The following BANP variants were observed in gnomAD, a reference collection of about 807,000 sequenced individuals.
The protein encoded by BANP is BTG3 associated nuclear protein, also known as protein BANP.
BANP carries 11 observed loss-of-function variants against 68.1 expected under a neutral mutation model. The observed-to-expected ratio is 0.16, with a 90% CI of 0.10 to 0.27. BANP has a LOEUF of 0.27. BANP is among the 10% of genes least tolerant of loss of function. BANP has a pLI of 1.00. For synonymous variants in BANP, 329 were observed against 303.2 expected (o/e 1.09, Z -0.88); for missense variants, 504 against 722.7 (o/e 0.70, Z 3.47).
At chr16:87,952,058 C>T (rs931465174) in intron 1 of BANP, 1 of 152,274 alleles carries the variant, frequency 6.6e-6, no homozygotes, top group African/African-American at 2.4e-5. Flanking sequence ...GGCGACGACC[C>T]CAGCCCGTCC....
At chr16:87,993,375 G>GT (rs2066369536) in intron 4 of BANP, among the ~76,000 whole-genome samples, 1 of 152,202 alleles carries the variant, frequency 6.6e-6, no homozygotes, top group Admixed American at 6.5e-5. Flanking sequence ...CGGGAGCCTT[G>GT]TCTCTTCTTT....
At chr16:87,993,931 A>G (rs763164531) in intron 4 of BANP, among the ~76,000 whole-genome samples, 24 of 151,842 alleles carry the variant, frequency 1.6e-4, no homozygotes, top group Non-Finnish European at 2.7e-4. Context: ...AGCACTACCA[A>G]ATGCTTCTCC....
Position 88,043,107 on chromosome 16 carries a change from T to A in BANP, c.1311+5096T>A, listed in dbSNP as rs568432005. Among the ~76,000 whole-genome samples, 3 of 152,248 alleles carry A rather than the reference T, an allele frequency of 2.0e-5. No individual in the cohort carries two copies. In the South Asian group the frequency reaches 6.2e-4, roughly 32 times the overall value. On this transcript the variant is annotated intron_variant, in intron 11 of 13. Transcript: ENST00000682872. ...CTCGGGCTTTGTAGAGCAGAGCCCG[T>A]GTGTGTGGACCTGTGCTGCCCTCCT... is the stretch of plus-strand genomic sequence containing the variant.
At chr16:88,008,174 C>T (rs569087474) in intron 6 of BANP, among the ~76,000 whole-genome samples, 4 of 152,118 alleles carry the variant, frequency 2.6e-5, no homozygotes, top group Non-Finnish European at 5.9e-5. Flanking sequence ...TTCATGGCTG[C>T]GTGATGTGCC....
At chr16:88,017,560 G>A (rs2074870191) in intron 6 of BANP, among the ~76,000 whole-genome samples, 1 of 152,254 alleles carries the variant, frequency 6.6e-6, no homozygotes, top group Non-Finnish European at 1.5e-5. Flanking sequence ...GTTCAGAGAA[G>A]ACTAGTGACT....
At chr16:88,066,714 A>G (rs1460080470) in intron 12 of BANP, among the ~76,000 whole-genome samples, 1 of 152,236 alleles carries the variant, frequency 6.6e-6, no homozygotes, top group Non-Finnish European at 1.5e-5. Context: ...AACTGAAAAC[A>G]TTGAATCATT....
intron 1 of BANP, chr16:87,970,162 A>T (rs943416148): frequency 6.6e-6 from 1 of 152,352 alleles, no homozygotes; most frequent in African/African-American, 2.4e-5. Context: ...AAGTGCTGGG[A>T]TGACAGATGT....
intron 1 of BANP, among the ~76,000 whole-genome samples, chr16:87,953,912 C>T (rs1176064767): frequency 6.6e-6 from 1 of 152,204 alleles, no homozygotes; most frequent in Non-Finnish European, 1.5e-5. Flanking sequence ...CTGGCAAGTG[C>T]TCTTCCTCCT....
rs541594308 is a variant in BANP at position 88,056,519 on chromosome 16, T to A, written c.1312-8748T>A. On this transcript the variant is annotated intron_variant, in intron 11 of 13. Transcript: ENST00000682872. ...GAAATGATGACTGAAATGTACACTTTCAGTGTTTTACTCAGTTGAAACAAT... is the reference window on the plus strand; with the variant it reads ...GAAATGATGACTGAAATGTACACTTACAGTGTTTTACTCAGTTGAAACAAT... 9.9e-5 allele frequency among the ~76,000 whole-genome samples: 15 copies of A among 152,104 alleles called. No homozygotes were observed. In the South Asian group the frequency reaches 2.9e-3, roughly 29 times the overall value.
chr16:88,074,167 A>C (rs2091082973), intron 13 of BANP, among the ~76,000 whole-genome samples: 1 of 152,176 alleles, frequency 6.6e-6, no homozygotes, highest in Admixed American at 6.5e-5. Flanking sequence ...GACTGCACCC[A>C]ACAGAGACAG....
intron 2 of BANP, among the ~76,000 whole-genome samples, chr16:87,979,340 T>C (rs1275618726): frequency 6.6e-6 from 1 of 152,088 alleles, no homozygotes; most frequent in East Asian, 1.9e-4. Flanking sequence ...CCCACATCGG[T>C]GGGCAGCCTT....
At chr16:88,024,661 A>C (rs1267722440) in intron 7 of BANP, among the ~76,000 whole-genome samples, 1 of 152,156 alleles carries the variant, frequency 6.6e-6, no homozygotes, top group African/African-American at 2.4e-5. Flanking sequence ...CTCCTCACCC[A>C]CTGCACTCTG....
chr16:88,023,435 G>T (rs1236618526), intron 7 of BANP, among the ~76,000 whole-genome samples: 2 of 149,326 alleles, frequency 1.3e-5, no homozygotes, highest in African/African-American at 4.9e-5. Flanking sequence ...CCCCGGGAGG[G>T]AGCATGTCAG....
In BANP at chr16:88,006,306, A is replaced by C. The variant is rs201182509; in HGVS notation, c.655+41A>C. ...CTTTCCTCGGCCAGAGCGCCAGTAC[A>C]ATTGTTTGTTTGTTTTGCCTTTTAG... On this transcript the variant is annotated intron_variant, in intron 6 of 13. Transcript: ENST00000682872. 1.4e-4 allele frequency: 213 copies of C among 1,537,210 alleles called. No individual in the cohort carries two copies. In the African/African-American group the frequency reaches 2.8e-3, roughly 20 times the overall value.
chr16:87,979,720 G>A (rs981159248), intron 2 of BANP, among the ~76,000 whole-genome samples: 10 of 152,164 alleles, frequency 6.6e-5, no homozygotes, highest in Non-Finnish European at 1.5e-4. Context: ...TATCAGAAGT[G>A]TTACAATACG....
chr16:87,997,111 A>G lies in BANP; in HGVS notation c.363-7184A>G, dbSNP rs139866636. Among the ~76,000 whole-genome samples the G allele has an allele frequency of 5.3e-4, 81 of 152,328 alleles. 1 individual carries two copies. Among genetic ancestry groups the G allele is most frequent in the Non-Finnish European group, 9.1e-4 (62 of 68,028 alleles). ...AAGCTCAGCGTAGAAAATGTTTGCC[A>G]TGACAGCTTTCAAAGTGGAAGATGT... On this transcript the variant is annotated intron_variant, in intron 4 of 13. Coordinates refer to ENST00000682872, the MANE Select transcript of BANP (RefSeq NM_001386991.1).
chr16:88,001,268 C>T (rs1669313904), intron 4 of BANP, among the ~76,000 whole-genome samples: 1 of 104,334 alleles, frequency 9.6e-6, no homozygotes. Context: ...ACCTGTCCTT[C>T]CAGACACCCA....
At chr16:87,968,197 T>A (rs1448488049) in intron 1 of BANP, among the ~76,000 whole-genome samples, 1 of 151,840 alleles carries the variant, frequency 6.6e-6, no homozygotes, top group Non-Finnish European at 1.5e-5. Flanking sequence ...TTAGGAAATT[T>A]AGTTGGCTGG....
intron 12 of BANP, among the ~76,000 whole-genome samples, chr16:88,067,576 G>A (rs1361730399): frequency 2.0e-5 from 3 of 152,164 alleles, no homozygotes; most frequent in Non-Finnish European, 4.4e-5. Context: ...CAGAGTTTCA[G>A]AGTCCTTTTT....
Sources: allele counts gnomAD v4.1 joint callset (sites outside exome capture counted in the v4.1 genomes callset), GRCh38; gene constraint gnomAD v4.1.1; transcripts MANE v1.5; gene names NCBI Gene and HGNC (gene_info 2026-07-23, HGNC 2026-07-21).